MARK3: variants seen among roughly 807,000 people sequenced by gnomAD.
The protein encoded by MARK3 is microtubule affinity regulating kinase 3.
Under a neutral mutation model 90.1 loss-of-function variants are expected in MARK3, and 46 were observed. The observed-to-expected ratio is 0.51, with a 90% CI of 0.40 to 0.65. MARK3 has a LOEUF of 0.65. MARK3 is among the 30% of genes least tolerant of loss of function. MARK3 has a pLI of 0.00. For synonymous variants in MARK3, 321 were observed against 332.6 expected, an observed-to-expected ratio of 0.97 and a Z score of 0.38; for missense variants, 818 against 947.2, an observed-to-expected ratio of 0.86 and a Z score of 1.79.
chr14:103,424,507 C>T (rs915415592), intron 2 of MARK3, among the ~76,000 whole-genome samples: 2 of 144,978 alleles, frequency 1.4e-5, no homozygotes, highest in Non-Finnish European at 3.0e-5. Flanking sequence ...CCCTGGACAA[C>T]AGAATGAGAC....
At chr14:103,444,723 G>A (rs937841593) in intron 3 of MARK3, among the ~76,000 whole-genome samples, 3 of 152,050 alleles carry the variant, frequency 2.0e-5, no homozygotes, top group African/African-American at 7.2e-5. Context: ...CTTTCAGTGA[G>A]CCAAGATGGC....
At chr14:103,460,478 AATC>A (rs2093380182) in intron 6 of MARK3, among the ~76,000 whole-genome samples, 1 of 152,134 alleles carries the variant, frequency 6.6e-6, no homozygotes, top group Non-Finnish European at 1.5e-5. Flanking sequence ...AATTAGGTTA[AATC>A]ATAGTTTAAC....
chr14:103,390,443 C>T (rs991299513), intron 1 of MARK3, among the ~76,000 whole-genome samples: 4 of 141,752 alleles, frequency 2.8e-5, no homozygotes, highest in African/African-American at 1.1e-4. Context: ...GTAGTTGTAC[C>T]TGTACATAGA....
intron 3 of MARK3, among the ~76,000 whole-genome samples, chr14:103,444,764 G>A (rs902778158): frequency 6.6e-6 from 1 of 151,918 alleles, no homozygotes; most frequent in Non-Finnish European, 1.5e-5. Flanking sequence ...GCGACAGAGC[G>A]AGACTCCATT....
chr14:103,448,993 TG>T (rs1463633543), intron 4 of MARK3, 26 bp downstream of exon 4: 2 of 1,558,578 alleles, frequency 1.3e-6, no homozygotes, highest in Non-Finnish European at 1.7e-6. Flanking sequence ...TTAAATATTT[TG>T]GGGTCTAAAT....
intron 14 of MARK3, among the ~76,000 whole-genome samples, chr14:103,481,757 CTTTTTTTTTT>C (rs71126030): frequency 1.6e-4 from 8 of 49,778 alleles, no homozygotes; most frequent in Admixed American, 3.6e-4. Flanking sequence ...ATAGGTATTT[CTTTTTTTTTT>C]TTTTTTTTTT....
intron 2 of MARK3, among the ~76,000 whole-genome samples, chr14:103,408,792 T>C (rs1299719084): frequency 6.6e-6 from 1 of 152,220 alleles, no homozygotes; most frequent in African/African-American, 2.4e-5. Flanking sequence ...AAATTTGCCT[T>C]TTGACAATTC....
intron 17 of MARK3, 30 bp from the exon 18 acceptor site, chr14:103,502,852 T>C: frequency 6.4e-7 from 1 of 1,565,810 alleles, no homozygotes; most frequent in Non-Finnish European, 8.7e-7. Flanking sequence ...CCTGTACGAT[T>C]AAAAATAAAC....
chr14:103,388,910 T>C (rs1285447987), intron 1 of MARK3, among the ~76,000 whole-genome samples: 1 of 152,222 alleles, frequency 6.6e-6, no homozygotes, highest in Non-Finnish European at 1.5e-5. Flanking sequence ...TTTTTTTTAA[T>C]CCACTCACCA....
intron 2 of MARK3, among the ~76,000 whole-genome samples, chr14:103,410,168 A>G (rs2091546533): frequency 6.6e-6 from 1 of 152,242 alleles, no homozygotes; most frequent in Non-Finnish European, 1.5e-5. Context: ...ATTTATAAAG[A>G]TAAGAAATTT....
intron 14 of MARK3, among the ~76,000 whole-genome samples, chr14:103,482,527 A>G (rs2093845236): frequency 6.6e-6 from 1 of 152,082 alleles, no homozygotes; most frequent in African/African-American, 2.4e-5. Flanking sequence ...CTAAAAAAAA[A>G]AAAAGTTGTT....
rs150574538 is a variant in MARK3, at chr14:103,464,386, C to T, written c.541-1171C>T. On this transcript the variant is annotated intron_variant, in intron 7 of 17. Transcript: ENST00000429436. ...CGATCTCTGCTCACTGCAACCTCCA[C>T]CTCGCAGGTTCAAGCGATTCTCCTG... Among the ~76,000 whole-genome samples, 138 of 148,502 alleles carry T rather than the reference C, an allele frequency of 9.3e-4. 2 individuals carry two copies. Among genetic ancestry groups the T allele is most frequent in the African/African-American group, 3.4e-3 (137 of 40,026 alleles).
chr14:103,457,149 A>G lies in MARK3; in HGVS notation c.420A>G (p.Val140=). Reference sequence around the variant, plus strand: ...TATTTCTCTCACCTATAGGTGAAGTATTTGACTATTTGGTTGCACATGGCA... The same window carrying G: ...TATTTCTCTCACCTATAGGTGAAGTGTTTGACTATTTGGTTGCACATGGCA... ...LIMEYASGGE[V]FDYLVAHGRM... The change falls in exon 6 of 18, where the codon GTA becomes GTG. Residue 140 remains valine (V), a synonymous_variant. Transcript: ENST00000429436. 1.9e-6 allele frequency: 3 copies of G among 1,602,738 alleles called. No homozygotes were observed. The highest frequency in any genetic ancestry group is 4.5e-5 in the East Asian group (2 of 44,818).
intron 3 of MARK3, among the ~76,000 whole-genome samples, chr14:103,433,629 G>A (rs755510521): frequency 2.6e-5 from 4 of 151,516 alleles, no homozygotes; most frequent in Non-Finnish European, 5.9e-5. Flanking sequence ...AGGTTGCAGT[G>A]AGCCGAGATC....
Position 103,502,875 on chromosome 14 carries a change from A to AGG in MARK3, c.1917-7_1917-6insGG. ...ATTAAAAATAAACCTGCCTCTATGC[A>AGG]TTTCAGTCGCAATGTATCTGCTGAG... On this transcript the variant is annotated splice_region_variant and splice_polypyrimidine_tract_variant and intron_variant, in intron 17 of 17. Coordinates refer to ENST00000429436, the MANE Select transcript of MARK3 (RefSeq NM_001128918.3). 1 of 1,602,326 alleles carries AGG rather than the reference A, an allele frequency of 6.2e-7. No individual in the cohort carries two copies. The highest frequency in any genetic ancestry group is 8.5e-7 in the Non-Finnish European group (1 of 1,171,518).
Position 103,448,964 on chromosome 14 carries a change from A to ATAG in MARK3, c.344_346dup (p.Val116dup). ...AATGAAGATTTTAAATCATCCCAAT[A>ATAG]TAGGTACTTTCTGCTTTTTTAAATA... is the stretch of plus-strand genomic sequence containing the variant. On this transcript the variant is annotated inframe_insertion, in exon 4 of 18. Coordinates refer to ENST00000429436, the MANE Select transcript of MARK3 (RefSeq NM_001128918.3). 1 of 1,567,956 alleles carries ATAG rather than the reference A, an allele frequency of 6.4e-7. No homozygotes were observed. Among genetic ancestry groups the ATAG allele is most frequent in the Non-Finnish European group, 8.7e-7 (1 of 1,152,942 alleles).
In MARK3 at chr14:103,400,943, TTGTGTG is replaced by T. The variant is rs61635275; in HGVS notation, c.52-4099_52-4094del. The stretch of plus-strand genomic sequence containing the variant: ...AGTTATCAAAGAATTATATAACATT[TTGTGTG>T]TGTGTGTGTGTGTGTGTGTGTGTGT... On this transcript the variant is annotated intron_variant, in intron 1 of 17. Transcript: ENST00000429436. 4.1e-3 allele frequency among the ~76,000 whole-genome samples: 510 copies of T among 123,570 alleles called. 3 individuals are homozygous for T. The highest frequency in any genetic ancestry group is 5.5e-3 in the Non-Finnish European group (343 of 62,364). 81.1% of individuals were successfully genotyped at this position (123,570 alleles called of 152,430 possible). A position where few individuals can be genotyped will look rare whatever the true frequency, so the allele number is the denominator to read the frequency against.
intron 2 of MARK3, among the ~76,000 whole-genome samples, chr14:103,409,667 T>C (rs1001778731): frequency 1.3e-5 from 2 of 152,198 alleles, no homozygotes; most frequent in Admixed American, 1.3e-4. Context: ...ACATTAACTT[T>C]TAAAAAATTT....
At chr14:103,483,590 C>T (rs763597713) in intron 14 of MARK3, among the ~76,000 whole-genome samples, 1 of 152,000 alleles carries the variant, frequency 6.6e-6, no homozygotes, top group Non-Finnish European at 1.5e-5. Context: ...TTTGTTTTAT[C>T]AGCTTTCCTG....
Sources: gnomAD v4.1 joint callset for allele counts (sites outside exome capture counted in the v4.1 genomes callset) on GRCh38, gnomAD v4.1.1 for gene constraint, MANE v1.5 for transcripts, NCBI Gene and HGNC (gene_info 2026-07-23, HGNC 2026-07-21) for gene names.